Variants in NLRP4 observed in about 807,000 individuals in gnomAD.
NLRP4 encodes NLR family pyrin domain containing 4, also known as NACHT, LRR and PYD domains-containing protein 4.
NLRP4 carries 44 observed loss-of-function variants against 84.7 expected under a neutral mutation model. That is an observed-to-expected ratio of 0.52 (90% confidence interval 0.41 to 0.67). The LOEUF (loss-of-function observed/expected upper bound fraction) is 0.67, where lower values mean the gene tolerates loss of function less well. Among genes scored for constraint, NLRP4 ranks in the 30% least tolerant of loss-of-function variants. NLRP4 has a pLI of 0.00. For missense variants in NLRP4, 1,260 were observed against 1,219.4 expected (o/e 1.03, Z -0.50); for synonymous variants, 544 against 476.4 (o/e 1.14, Z -1.85).
intron 1 of NLRP4, among the ~76,000 whole-genome samples, chr19:55,851,631 CGAGGCTGCGGTGTA>C (rs1326237841): frequency 9.6e-6 from 1 of 104,584 alleles, no homozygotes; most frequent in African/African-American, 2.9e-5. Context: ...GTGTAATGTC[CGAGGCTGCGGTGTA>C]ATGTCCGAGG....
rs758899531 is a variant in NLRP4 at position 55,858,051 on chromosome 19, G to T, written c.658G>T (p.Val220Leu). The T allele has an allele frequency of 1.5e-5, 25 of 1,614,034 alleles. No individual in the cohort carries two copies. The highest frequency in any genetic ancestry group is 1.9e-5 in the Non-Finnish European group (23 of 1,180,044). The change falls in exon 3 of 10, where the codon GTG (valine) becomes TTG (leucine). Residue 220 changes from valine to leucine, a missense_variant. Coordinates refer to ENST00000301295, the MANE Select transcript of NLRP4 (RefSeq NM_134444.5). This position sits in a 1 kb window ranked among gnomAD's most constrained non-coding sequence, Gnocchi z 4.2. ...PDPAAPITEI[V>L]SQPERLLFVI... Reference sequence around the variant, plus strand: ...CCCCGCTGCTCCTATAACAGAGATCGTGTCTCAACCGGAGAGACTCTTGTT... The same window carrying T: ...CCCCGCTGCTCCTATAACAGAGATCTTGTCTCAACCGGAGAGACTCTTGTT...
rs1983302768 is a variant in NLRP4 at position 55,836,552 on chromosome 19, G to A, written c.-448G>A. ...GCCGCCAATCATTAAGGACCAGGAA[G>A]GCGTGGAGCGGTGAGTCAGCGCTTC... is the stretch of plus-strand genomic sequence containing the variant. On this transcript the variant is annotated 5_prime_UTR_variant, in exon 1 of 10. Coordinates refer to ENST00000301295, the MANE Select transcript of NLRP4 (RefSeq NM_134444.5). 1 of 152,322 alleles carries A rather than the reference G, an allele frequency of 6.6e-6. No individual in the cohort carries two copies. The highest frequency in any genetic ancestry group is 2.1e-4 in the South Asian group (1 of 4,826). The allele number at this position is 152,322 out of a possible 1,614,324, so 9.4% of individuals were successfully genotyped here.
chr19:55,876,033 G>A (rs73622500), intron 7 of NLRP4, among the ~76,000 whole-genome samples: 3,921 of 152,162 alleles, frequency 0.026, 182 homozygotes, highest in African/African-American at 0.09. Context: ...GTGAAACTCC[G>A]TCTCAAATAA....
intron 9 of NLRP4, 89 bp from the exon 10 acceptor site, chr19:55,881,381 T>C: frequency 1.4e-6 from 1 of 705,108 alleles, no homozygotes; most frequent in Non-Finnish European, 2.5e-6. Context: ...CCTAGGCTTG[T>C]CCTGGGATGA....
At chr19:55,870,242 A>G (rs759825928) in intron 6 of NLRP4, among the ~76,000 whole-genome samples, 2 of 150,630 alleles carry the variant, frequency 1.3e-5, no homozygotes, top group Admixed American at 6.6e-5. Context: ...GTCCAAGGAC[A>G]TCATCAGATG....
At chr19:55,853,672 A>G (rs1984258972) in intron 2 of NLRP4, among the ~76,000 whole-genome samples, 2 of 152,026 alleles carry the variant, frequency 1.3e-5, no homozygotes, top group South Asian at 2.1e-4. Context: ...GGCCTCCCAA[A>G]GTGCTGGGAT....
chr19:55,871,797 C>G (rs1046259889), intron 7 of NLRP4, among the ~76,000 whole-genome samples: 8 of 150,184 alleles, frequency 5.3e-5, no homozygotes, highest in Non-Finnish European at 8.9e-5. Context: ...ACATCAGATA[C>G]AATATTAAGA....
rs11401612 is a variant in NLRP4, at chr19:55,847,695, C to T, written c.-65-4321C>T. ...ACTAAGATTATTCTTTCTTCAGATTCCCCCCTTTTTACCTAATATCCTTTT... is the reference window on the plus strand; with the variant it reads ...ACTAAGATTATTCTTTCTTCAGATTTCCCCCTTTTTACCTAATATCCTTTT... On this transcript the variant is annotated intron_variant, in intron 1 of 9. Transcript: ENST00000301295. 2.9e-5 allele frequency among the ~76,000 whole-genome samples: 4 copies of T among 137,872 alleles called. No homozygotes were observed. In the South Asian group the frequency reaches 6.7e-4, roughly 23 times the overall value. 90.4% of individuals were successfully genotyped at this position (137,872 alleles called of 152,430 possible). A position where few individuals can be genotyped will look rare whatever the true frequency, so the allele number is the denominator to read the frequency against.
At chr19:55,869,065 C>A (rs1235242932) in intron 6 of NLRP4, among the ~76,000 whole-genome samples, 1 of 152,122 alleles carries the variant, frequency 6.6e-6, no homozygotes, top group Non-Finnish European at 1.5e-5. Context: ...TGATAAGGGA[C>A]AAACAGGTGA....
chr19:55,853,859 CTTCCTCTCTCTTTCTCTCTT>C (rs1182561873), intron 2 of NLRP4, among the ~76,000 whole-genome samples: 1 of 150,896 alleles, frequency 6.6e-6, no homozygotes, highest in Non-Finnish European at 1.5e-5. Context: ...CTTTCTCTCT[CTTCCTCTCTCTTTCTCTCTT>C]GCTATCTCTT....
rs147244757 is a variant in NLRP4, at chr19:55,859,214, A to G, written c.1821A>G (p.Gln607=). ...TGAGGAAACTCTGTTTTTCCGTTCA[A>G]AATGTCTTTAAGAAAGAGGATGAAC... ...SSLRKLCFSV[Q]NVFKKEDEHS... is the part of the protein sequence containing the mutation. The change falls in exon 3 of 10, where the codon CAA becomes CAG. Residue 607 remains glutamine, a synonymous_variant. Coordinates refer to ENST00000301295, the MANE Select transcript of NLRP4 (RefSeq NM_134444.5). 5.6e-6 allele frequency: 9 copies of G among 1,605,802 alleles called. No homozygotes were observed. In the African/African-American group the frequency reaches 1.1e-4, roughly 19 times the overall value.
intron 7 of NLRP4, among the ~76,000 whole-genome samples, chr19:55,871,889 GC>G (rs1407084882): frequency 2.7e-5 from 4 of 147,976 alleles, no homozygotes; most frequent in Non-Finnish European, 5.9e-5. Flanking sequence ...CGCTCTGTCA[GC>G]CCACGCTGAA....
chr19:55,853,506 T>A (rs541920244), intron 2 of NLRP4, among the ~76,000 whole-genome samples: 2 of 152,272 alleles, frequency 1.3e-5, no homozygotes, highest in East Asian at 3.9e-4. Flanking sequence ...ATCTGCCACC[T>A]CAGCCTCCCA....
Position 55,874,057 on chromosome 19 carries a change from A to G in NLRP4, c.2526-2939A>G, listed in dbSNP as rs1258816874. Among the ~76,000 whole-genome samples the G allele has an allele frequency of 3.9e-5, 6 of 152,256 alleles. No homozygotes were observed. In the South Asian group the frequency reaches 1.0e-3, roughly 26 times the overall value. On this transcript the variant is annotated intron_variant, in intron 7 of 9. Coordinates refer to ENST00000301295, the MANE Select transcript of NLRP4 (RefSeq NM_134444.5). ...ACTAATGAAACAAAAATCACAATGG[A>G]AAAGATCAGAAACCTGCAGGGTGGT...
At position 55,839,661 on chromosome 19, in the gene NLRP4, T is replaced by A. The variant is rs570397617; in HGVS notation, c.-66+2727T>A. On this transcript the variant is annotated intron_variant, in intron 1 of 9. Transcript: ENST00000301295. ...GTCTTCTGTTTCTGGTATTAATTGCTCATGTCTTCTTATTCATCAGACTTG... is the reference window on the plus strand; with the variant it reads ...GTCTTCTGTTTCTGGTATTAATTGCACATGTCTTCTTATTCATCAGACTTG... Among the ~76,000 whole-genome samples, 3 of 152,298 alleles carry A rather than the reference T, an allele frequency of 2.0e-5. No individual in the cohort carries two copies. In the South Asian group the frequency reaches 6.2e-4, roughly 32 times the overall value.
chr19:55,856,271 G>T (rs1984407265), intron 2 of NLRP4, among the ~76,000 whole-genome samples: 1 of 152,144 alleles, frequency 6.6e-6, no homozygotes, highest in South Asian at 2.1e-4. Flanking sequence ...TGGGATTATA[G>T]GCGTGAGCCA....
chr19:55,878,781 C>A lies in NLRP4; in HGVS notation c.2697-13C>A. 3 of 1,606,300 alleles carry A rather than the reference C, an allele frequency of 1.9e-6. No homozygotes were observed. Among genetic ancestry groups the A allele is most frequent in the Non-Finnish European group, 1.7e-6 (2 of 1,174,830 alleles). ...GCTGGGGCCGCATCTTACCATGTGTCTTTTTATTGCAGGTTGGAAGAATGT... is the reference window on the plus strand; with the variant it reads ...GCTGGGGCCGCATCTTACCATGTGTATTTTTATTGCAGGTTGGAAGAATGT... On this transcript the variant is annotated splice_polypyrimidine_tract_variant and intron_variant, in intron 8 of 9. Coordinates refer to ENST00000301295, the MANE Select transcript of NLRP4 (RefSeq NM_134444.5).
chr19:55,858,029 C>G lies in NLRP4; in HGVS notation c.636C>G (p.Pro212=), dbSNP rs771374690. Residue 212 remains proline, a synonymous_variant, in exon 3 of 10, where the codon CCC becomes CCG. Coordinates refer to ENST00000301295, the MANE Select transcript of NLRP4 (RefSeq NM_134444.5). This position sits in a 1 kb window ranked among gnomAD's most constrained non-coding sequence, Gnocchi z 4.2. ...TGATTTCCAGAGAGTGGCCTGACCC[C>G]GCTGCTCCTATAACAGAGATCGTGT... ...ADLISREWPD[P]AAPITEIVSQ... is the part of the protein sequence containing the mutation. 3.9e-5 allele frequency: 63 copies of G among 1,614,038 alleles called. No homozygotes were observed. The highest frequency in any genetic ancestry group is 5.1e-5 in the Non-Finnish European group (60 of 1,180,038).
chr19:55,859,262 T>G lies in NLRP4; in HGVS notation c.1856+13T>G. 1 of 1,571,030 alleles carries G rather than the reference T, an allele frequency of 6.4e-7. No individual in the cohort carries two copies. Among genetic ancestry groups the G allele is most frequent in the South Asian group, 1.2e-5 (1 of 85,854 alleles). Reference sequence around the variant, plus strand: ...AACACAGCTCTACGTGAGTCCATCCTATGACTTTTTCTCTCTTCTCAGAAT... The same window carrying G: ...AACACAGCTCTACGTGAGTCCATCCGATGACTTTTTCTCTCTTCTCAGAAT... On this transcript the variant is annotated intron_variant, in intron 3 of 9. Coordinates refer to ENST00000301295, the MANE Select transcript of NLRP4 (RefSeq NM_134444.5).
Sources: allele counts gnomAD v4.1 joint callset (sites outside exome capture counted in the v4.1 genomes callset), GRCh38; gene constraint gnomAD v4.1.1; non-coding constraint Gnocchi (gnomAD v3.1); transcripts MANE v1.5; gene names NCBI Gene and HGNC (gene_info 2026-07-23, HGNC 2026-07-21).